Variants in IRAG1 observed in about 807,000 individuals in gnomAD.
IRAG1 encodes inositol 1,4,5-triphosphate receptor associated 1.
IRAG1 carries 62 observed loss-of-function variants against 106.2 expected under a neutral mutation model. The observed-to-expected ratio is 0.58, with a 90% CI of 0.48 to 0.72. The LOEUF (loss-of-function observed/expected upper bound fraction) is 0.72, where lower values mean the gene tolerates loss of function less well. Ranked by LOEUF, IRAG1 falls within the 30% of genes least tolerant of loss-of-function variation. IRAG1 has a pLI of 0.00. For synonymous variants in IRAG1, 462 were observed against 443.9 expected, an observed-to-expected ratio of 1.04 and a Z score of -0.51; for missense variants, 1,064 against 1,140.7, an observed-to-expected ratio of 0.93 and a Z score of 0.97.
intron 10 of IRAG1, among the ~76,000 whole-genome samples, chr11:10,613,261 C>CAAA (rs34065353): frequency 1.8e-3 from 234 of 133,000 alleles, no homozygotes; most frequent in Middle Eastern, 4.3e-3. Context: ...ATGCTTCATA[C>CAAA]AAAAAAAAAA....
chr11:10,627,281 C>T (rs1007818902), intron 8 of IRAG1, among the ~76,000 whole-genome samples: 2 of 152,146 alleles, frequency 1.3e-5, no homozygotes, highest in African/African-American at 2.4e-5. Flanking sequence ...ACACTGAGCA[C>T]GTGGGCCCCT....
In IRAG1 at chr11:10,626,323, C is replaced by G; in HGVS notation, c.1011G>C (p.Thr337=). The G allele has an allele frequency of 6.2e-7, 1 of 1,613,348 alleles. No homozygotes were observed. Among genetic ancestry groups the G allele is most frequent in the Non-Finnish European group, 8.5e-7 (1 of 1,179,628 alleles). ...TCGGCAGAGGGCTGCCCTCCCAGCC[C>G]GTTTTCAAGAGCTGCTTCCCCAGCT... ...ESELGKQLLK[T]GWEGSPLPRS... Residue 337 remains threonine, a synonymous_variant, in exon 9 of 21, where the codon ACG becomes ACC. Coordinates refer to ENST00000423302, the MANE Select transcript of IRAG1 (RefSeq NM_130385.4).
In IRAG1 at chr11:10,628,646, T is replaced by G; in HGVS notation, c.652+105A>C. On this transcript the variant is annotated intron_variant, in intron 6 of 20. Coordinates refer to ENST00000423302, the MANE Select transcript of IRAG1 (RefSeq NM_130385.4). The surrounding 1 kb of genome is among the most constrained non-coding windows in gnomAD (Gnocchi z 4.1). The stretch of plus-strand genomic sequence containing the variant: ...GGGTGTGAAGGGGCCATCAGAGTTC[T>G]TGAAGGGGAAGCCTGCAGGCTGGGA... The G allele has an allele frequency of 1.0e-6, 1 of 999,404 alleles. No homozygotes were observed. Among genetic ancestry groups the G allele is most frequent in the African/African-American group, 1.7e-5 (1 of 59,440 alleles). The allele number at this position is 999,404 out of a possible 1,614,324, so 61.9% of individuals were successfully genotyped here.
intron 3 of IRAG1, among the ~76,000 whole-genome samples, chr11:10,633,129 C>T (rs1286199996): frequency 7.0e-6 from 1 of 142,052 alleles, no homozygotes; most frequent in Non-Finnish European, 1.5e-5. Flanking sequence ...GGCTGGAGTG[C>T]AGTGGCGCGA....
At chr11:10,631,489 TATC>T (rs1205952897) in intron 4 of IRAG1, among the ~76,000 whole-genome samples, 1 of 152,210 alleles carries the variant, frequency 6.6e-6, no homozygotes, top group African/African-American at 2.4e-5. Flanking sequence ...TGCAGTCTCT[TATC>T]ATACAGTGTC....
At chr11:10,662,665 C>T (rs1324630670) in intron 1 of IRAG1, among the ~76,000 whole-genome samples, 6 of 152,246 alleles carry the variant, frequency 3.9e-5, no homozygotes, top group African/African-American at 1.4e-4. Flanking sequence ...AATGCGGCAG[C>T]ACCCTCGTGT....
At chr11:10,590,453 G>C (rs546091974) in intron 18 of IRAG1, among the ~76,000 whole-genome samples, 281 of 152,278 alleles carry the variant, frequency 1.8e-3, no homozygotes, top group African/African-American at 6.5e-3. Flanking sequence ...TCTGGAGATG[G>C]GAGCTTGTCT....
chr11:10,617,316 A>C, intron 10 of IRAG1: 1 of 369,476 alleles, frequency 2.7e-6, no homozygotes, highest in Non-Finnish European at 3.7e-6. Context: ...AAAATAGCTT[A>C]AACACCTCCT....
At chr11:10,680,323 G>GGGAAGGAAGGAA (rs1277908778) in intron 1 of IRAG1, among the ~76,000 whole-genome samples, 19 of 86,644 alleles carry the variant, frequency 2.2e-4, no homozygotes, top group African/African-American at 9.7e-4. Flanking sequence ...GGAGGGAGGG[G>GGGAAGGAAGGAA]GGAAGGAAGG....
chr11:10,629,792 C>A, intron 4 of IRAG1, 81 bp from the exon 5 acceptor site: 11 of 1,444,580 alleles, frequency 7.6e-6, no homozygotes, highest in Non-Finnish European at 1.0e-5. Flanking sequence ...ATGCCTCATC[C>A]CAGGGACTCT....
intron 1 of IRAG1, chr11:10,690,371 T>TAA (rs397966784): frequency 2.2e-3 from 2,584 of 1,181,142 alleles, no homozygotes; most frequent in Admixed American, 2.7e-3. Flanking sequence ...AGACCCTGTC[T>TAA]AAAAAAAAAA....
At chr11:10,667,965 T>C (rs1859914411) in intron 1 of IRAG1, among the ~76,000 whole-genome samples, 1 of 152,222 alleles carries the variant, frequency 6.6e-6, no homozygotes, top group African/African-American at 2.4e-5. Flanking sequence ...GCTCTGAGAC[T>C]GCCAAACCTC....
chr11:10,677,692 C>T (rs1860800058), intron 1 of IRAG1, among the ~76,000 whole-genome samples: 1 of 152,222 alleles, frequency 6.6e-6, no homozygotes, highest in Non-Finnish European at 1.5e-5. Context: ...AGCACATTCA[C>T]AATGCTGTGC....
intron 10 of IRAG1, among the ~76,000 whole-genome samples, chr11:10,621,487 C>A (rs1298070027): frequency 6.6e-6 from 1 of 152,200 alleles, no homozygotes; most frequent in African/African-American, 2.4e-5. Flanking sequence ...GATGAAGGAT[C>A]CAAGCCCTTC....
At chr11:10,622,806 C>T (rs1399422315) in intron 10 of IRAG1, among the ~76,000 whole-genome samples, 1 of 151,112 alleles carries the variant, frequency 6.6e-6, no homozygotes, top group African/African-American at 2.4e-5. Context: ...ACATCTCATA[C>T]AATTTCATTC....
chr11:10,658,060 C>G (rs1859064908), intron 1 of IRAG1, among the ~76,000 whole-genome samples: 1 of 152,216 alleles, frequency 6.6e-6, no homozygotes, highest in East Asian at 1.9e-4. Flanking sequence ...AGTGACTCGT[C>G]ATTGTTCTTG....
chr11:10,677,555 G>T (rs1048397627), intron 1 of IRAG1, among the ~76,000 whole-genome samples: 1 of 149,738 alleles, frequency 6.7e-6, no homozygotes, highest in East Asian at 1.9e-4. Context: ...TAGGAGAGGG[G>T]TGCCTAAACT....
rs577081481 is a variant in IRAG1 at position 10,603,715 on chromosome 11, G to A, written c.1744-464C>T. On this transcript the variant is annotated intron_variant, in intron 13 of 20. Transcript: ENST00000423302. ...CCTAACTCCTCAATGTGATAGTGAA[G>A]TGGGGCCTGGGCGAGGTGATTAGGT... Among the ~76,000 whole-genome samples, 4 of 152,290 alleles carry A rather than the reference G, an allele frequency of 2.6e-5. No homozygotes were observed. In the East Asian group the frequency reaches 7.7e-4, roughly 29 times the overall value.
chr11:10,580,222 C>T (rs115174049), intron 20 of IRAG1, among the ~76,000 whole-genome samples: 32 of 152,316 alleles, frequency 2.1e-4, no homozygotes, highest in African/African-American at 7.5e-4. Flanking sequence ...CCATGACTGC[C>T]CCTGACCTCT....
Sources: gnomAD v4.1 joint callset for allele counts (sites outside exome capture counted in the v4.1 genomes callset) on GRCh38, gnomAD v4.1.1 for gene constraint, Gnocchi (gnomAD v3.1) non-coding constraint, MANE v1.5 for transcripts, NCBI Gene and HGNC (gene_info 2026-07-23, HGNC 2026-07-21) for gene names.